BMERB1: variants seen among roughly 807,000 people sequenced by gnomAD.
The protein encoded by BMERB1 is bMERB domain containing 1.
Under a neutral mutation model 23.6 loss-of-function variants are expected in BMERB1, and 12 were observed. The ratio of observed to expected loss-of-function variants is 0.51; its 90% CI spans 0.33 to 0.82. The LOEUF (loss-of-function observed/expected upper bound fraction) is 0.82. Among genes scored for constraint, BMERB1 ranks in the 40% least tolerant of loss-of-function variants. The pLI is 0.03. For missense variants in BMERB1, 247 were observed against 255.4 expected (o/e 0.97, Z 0.22); for synonymous variants, 122 against 96.6 (o/e 1.26, Z -1.54).
At chr16:15,448,274 T>G (rs2051008656) in intron 1 of BMERB1, among the ~76,000 whole-genome samples, 1 of 152,138 alleles carries the variant, frequency 6.6e-6, no homozygotes, top group Non-Finnish European at 1.5e-5. Context: ...GAAGGTCAGC[T>G]AGGAGGGTTT....
intron 1 of BMERB1, chr16:15,502,221 A>G: frequency 7.0e-7 from 1 of 1,434,784 alleles, no homozygotes; most frequent in Non-Finnish European, 9.6e-7. Flanking sequence ...GGGAAACAGA[A>G]ACTCGCAGAA....
intron 3 of BMERB1, among the ~76,000 whole-genome samples, chr16:15,573,320 G>C (rs1453773140): frequency 6.6e-6 from 1 of 152,186 alleles, no homozygotes; most frequent in Non-Finnish European, 1.5e-5. Context: ...TTACAATAGA[G>C]AAAGAGTAAT....
At chr16:15,493,789 T>G (rs975502829) in intron 1 of BMERB1, among the ~76,000 whole-genome samples, 4 of 152,218 alleles carry the variant, frequency 2.6e-5, no homozygotes, top group Non-Finnish European at 5.9e-5. Flanking sequence ...CTGGTGCAAT[T>G]TATCTCTCCT....
At chr16:15,460,215 A>G (rs935747495) in intron 1 of BMERB1, among the ~76,000 whole-genome samples, 1 of 152,158 alleles carries the variant, frequency 6.6e-6, no homozygotes, top group East Asian at 1.9e-4. Flanking sequence ...GATGGGTGAG[A>G]TTCAAATTAG....
At chr16:15,460,521 A>G (rs1005661432) in intron 1 of BMERB1, among the ~76,000 whole-genome samples, 4 of 152,142 alleles carry the variant, frequency 2.6e-5, no homozygotes, top group African/African-American at 9.7e-5. Context: ...TCGGAGCAGG[A>G]TCTGTTGATT....
In BMERB1 at chr16:15,586,838, T is replaced by G; in HGVS notation, c.*9T>G. On this transcript the variant is annotated 3_prime_UTR_variant, in exon 6 of 6. Coordinates refer to ENST00000300006, the MANE Select transcript of BMERB1 (RefSeq NM_033201.3). Reference sequence around the variant, plus strand: ...AGTGCAACATCATGTAGCCCCCACGTGGGGTGCCCTGGGCCATGGGGACCC... The same window carrying G: ...AGTGCAACATCATGTAGCCCCCACGGGGGGTGCCCTGGGCCATGGGGACCC... 1.3e-6 allele frequency: 2 copies of G among 1,570,612 alleles called. No individual in the cohort carries two copies. Among genetic ancestry groups the G allele is most frequent in the South Asian group, 1.2e-5 (1 of 86,060 alleles).
chr16:15,526,155 A>G (rs1030637321), intron 2 of BMERB1, among the ~76,000 whole-genome samples: 1 of 152,202 alleles, frequency 6.6e-6, no homozygotes, highest in Non-Finnish European at 1.5e-5. Context: ...GGACATTTCT[A>G]TTGTTGTAGA....
At chr16:15,527,386 C>T (rs2051920287) in intron 2 of BMERB1, among the ~76,000 whole-genome samples, 1 of 152,180 alleles carries the variant, frequency 6.6e-6, no homozygotes, top group Admixed American at 6.5e-5. Context: ...GGGTGGATCG[C>T]CTGAGCTCAG....
chr16:15,519,230 C>T lies in BMERB1; in HGVS notation c.230+3802C>T, dbSNP rs142704600. 3.0e-3 allele frequency among the ~76,000 whole-genome samples: 454 copies of T among 152,154 alleles called. 3 individuals carry two copies. The highest frequency in any genetic ancestry group is 4.9e-3 in the Non-Finnish European group (331 of 68,016). ...TGACAGCCCTGGGCTGAAAGACTCC[C>T]GGTGGCCGTAGTGTAATAGCCGCGG... is the stretch of plus-strand genomic sequence containing the variant. On this transcript the variant is annotated intron_variant, in intron 2 of 5. Coordinates refer to ENST00000300006, the MANE Select transcript of BMERB1 (RefSeq NM_033201.3).
At chr16:15,442,799 A>T (rs2050951530) in intron 1 of BMERB1, among the ~76,000 whole-genome samples, 2 of 152,280 alleles carry the variant, frequency 1.3e-5, no homozygotes, top group South Asian at 4.1e-4. Context: ...CTGGAGCCTG[A>T]TTCTAAGCCC....
chr16:15,587,426 C>A lies in BMERB1; in HGVS notation c.*597C>A. The A allele has an allele frequency of 3.2e-6, 1 of 310,806 alleles. No homozygotes were observed. Among genetic ancestry groups the A allele is most frequent in the South Asian group, 2.4e-5 (1 of 41,946 alleles). The allele number at this position is 310,806 out of a possible 1,614,324, so 19.3% of individuals were successfully genotyped here. A position where few individuals can be genotyped will look rare whatever the true frequency, so the allele number is the denominator to read the frequency against. On this transcript the variant is annotated 3_prime_UTR_variant, in exon 6 of 6. Transcript: ENST00000300006. The stretch of plus-strand genomic sequence containing the variant: ...GAGCTTGTGTGTGGTGTCGTGGTCA[C>A]ATCTCCCGCTTCCCCCCATCCTGTG...
At chr16:15,439,163 T>C (rs973262856) in intron 1 of BMERB1, among the ~76,000 whole-genome samples, 8 of 152,214 alleles carry the variant, frequency 5.3e-5, no homozygotes, top group African/African-American at 2.4e-5. Context: ...AGATATGTAA[T>C]GTGCTATATC....
intron 2 of BMERB1, among the ~76,000 whole-genome samples, chr16:15,535,842 C>A (rs1863811062): frequency 6.6e-6 from 1 of 151,962 alleles, no homozygotes; most frequent in African/African-American, 2.4e-5. Context: ...AGGAAACTTA[C>A]AATCATGGCA....
At chr16:15,582,593 C>T (rs1182258132) in intron 4 of BMERB1, among the ~76,000 whole-genome samples, 4 of 151,816 alleles carry the variant, frequency 2.6e-5, no homozygotes, top group African/African-American at 9.7e-5. Context: ...GTGGAGTGCT[C>T]CTGTAGTCTC....
At chr16:15,540,940 A>G (rs1437776952) in intron 2 of BMERB1, among the ~76,000 whole-genome samples, 1 of 152,026 alleles carries the variant, frequency 6.6e-6, no homozygotes, top group Non-Finnish European at 1.5e-5. Context: ...TGCCCAAGCA[A>G]TTCAATTCAG....
At chr16:15,480,987 A>T (rs897455929) in intron 1 of BMERB1, among the ~76,000 whole-genome samples, 3 of 152,220 alleles carry the variant, frequency 2.0e-5, no homozygotes, top group African/African-American at 7.2e-5. Context: ...AGAGAATTTC[A>T]TTAGAGCATT....
intron 2 of BMERB1, chr16:15,533,089 A>G: frequency 6.7e-6 from 3 of 447,942 alleles, no homozygotes; most frequent in Non-Finnish European, 1.3e-5. Flanking sequence ...CATGAGGAGT[A>G]AAAGAGATCA....
At chr16:15,531,466 C>T (rs1352776806) in intron 2 of BMERB1, among the ~76,000 whole-genome samples, 1 of 152,150 alleles carries the variant, frequency 6.6e-6, no homozygotes, top group Non-Finnish European at 1.5e-5. Flanking sequence ...AGGGACCATT[C>T]TTCAGTCTAC....
chr16:15,465,651 C>T (rs2051175045), intron 1 of BMERB1, among the ~76,000 whole-genome samples: 1 of 152,148 alleles, frequency 6.6e-6, no homozygotes, highest in South Asian at 2.1e-4. Context: ...CCGCACCCAG[C>T]CCTAAGATCT....
Sources: allele counts gnomAD v4.1 joint callset (sites outside exome capture counted in the v4.1 genomes callset), GRCh38; gene constraint gnomAD v4.1.1; transcripts MANE v1.5; gene names NCBI Gene and HGNC (gene_info 2026-07-23, HGNC 2026-07-21).